Variants in VWA1 observed in about 807,000 individuals in gnomAD.
VWA1 encodes the protein von Willebrand factor A domain-containing protein 1.
In VWA1, 12 loss-of-function variants were observed where a neutral mutation model predicts 14.9. The ratio of observed to expected loss-of-function variants is 0.80; its 90% CI spans 0.52 to 1.30. VWA1 has a LOEUF of 1.30. Ranked by LOEUF, VWA1 falls within the 50% of genes most tolerant of loss-of-function variation. The probability of loss-of-function intolerance (pLI) is 0.00; values close to 1 mark genes in which losing one functional copy is unlikely to be tolerated. For missense variants in VWA1, 800 were observed against 649.1 expected, an observed-to-expected ratio of 1.23 and a Z score of -2.53; for synonymous variants, 368 against 310.7, an observed-to-expected ratio of 1.18 and a Z score of -1.94.
chr1:1,442,109 A>T lies in VWA1; in HGVS notation c.*2322A>T, dbSNP rs996961385. 1 of 152,288 alleles carries T rather than the reference A, an allele frequency of 6.6e-6. No individual in the cohort carries two copies. Among genetic ancestry groups the T allele is most frequent in the Non-Finnish European group, 1.5e-5 (1 of 68,092 alleles). 9.4% of individuals were successfully genotyped at this position (152,288 alleles called of 1,614,324 possible). The stretch of plus-strand genomic sequence containing the variant: ...GGCATTTTAAAATCTTTGAATCTGC[A>T]CCAAGTCTCAGAACAGCTCTGGCCC... On this transcript the variant is annotated 3_prime_UTR_variant, in exon 3 of 3. Coordinates refer to ENST00000476993, the MANE Select transcript of VWA1 (RefSeq NM_022834.5).
intron 1 of VWA1, 70 bp from the exon 2 acceptor site, chr1:1,436,857 G>T: frequency 6.7e-7 from 1 of 1,487,258 alleles, no homozygotes; most frequent in Non-Finnish European, 9.0e-7. Context: ...GGGCCCTGGG[G>T]GACCCTGCCT....
rs970287434 is a variant in VWA1, at chr1:1,439,784, G to A, written c.1335G>A (p.Pro445=). ...APTPGTASRE[P] Reference sequence around the variant, plus strand: ...CCCCGGGGACCGCCAGCCGTGAGCCGTAAGCCGGCGTCCCCGCCCAGCCGA... The same window carrying A: ...CCCCGGGGACCGCCAGCCGTGAGCCATAAGCCGGCGTCCCCGCCCAGCCGA... The change falls in exon 3 of 3, where the codon CCG becomes CCA. Residue 445 remains proline, a synonymous_variant. Coordinates refer to ENST00000476993, the MANE Select transcript of VWA1 (RefSeq NM_022834.5). 2 of 1,075,454 alleles carry A rather than the reference G, an allele frequency of 1.9e-6. No individual in the cohort carries two copies. 66.6% of individuals were successfully genotyped at this position (1,075,454 alleles called of 1,614,324 possible).
In VWA1 at chr1:1,439,100, G is replaced by A. The variant is rs1431166471; in HGVS notation, c.651G>A (p.Gln217=). 6.3e-7 allele frequency: 1 copy of A among 1,599,314 alleles called. No homozygotes were observed. The highest frequency in any genetic ancestry group is 1.1e-5 in the South Asian group (1 of 90,976). Residue 217 remains glutamine, a synonymous_variant, in exon 3 of 3, where the codon CAG becomes CAA. Coordinates refer to ENST00000476993, the MANE Select transcript of VWA1 (RefSeq NM_022834.5). The part of the protein sequence containing the change: ...GSILDAMRPQ[Q]LHATEITSSG... ...CCACAGACGCGATGCGGCCGCAGCA[G>A]CTCCATGCCACGGAGATCACGTCCA...
rs189168594 is a variant in VWA1 at position 1,436,889 on chromosome 1, G to T, written c.74-38G>T. On this transcript the variant is annotated intron_variant, in intron 1 of 2. Transcript: ENST00000476993. The stretch of plus-strand genomic sequence containing the variant: ...GCCTTGCTGTGGGGCTGTCTGGGGG[G>T]CCCACACCTGAGGCTGAGCATTCCT... 7.7e-3 allele frequency: 11,863 copies of T among 1,533,832 alleles called. 67 individuals are homozygous for T. Among genetic ancestry groups the T allele is most frequent in the Non-Finnish European group, 9.1e-3 (10,353 of 1,138,594 alleles).
chr1:1,439,493 C>T lies in VWA1; in HGVS notation c.1044C>T (p.Leu348=). 2.1e-6 allele frequency: 3 copies of T among 1,416,258 alleles called. No individual in the cohort carries two copies. Among genetic ancestry groups the T allele is most frequent in the Non-Finnish European group, 2.8e-6 (3 of 1,089,594 alleles). The allele number at this position is 1,416,258 out of a possible 1,614,324, so 87.7% of individuals were successfully genotyped here. A position where few individuals can be genotyped will look rare whatever the true frequency, so the allele number is the denominator to read the frequency against. ...TCTCCCACGCCCGGCCGCGCAGCCTCCGCGTGAGTTGGGCCCCAGCGCTGG... is the reference window on the plus strand; with the variant it reads ...TCTCCCACGCCCGGCCGCGCAGCCTTCGCGTGAGTTGGGCCCCAGCGCTGG... ...IVISHARPRS[L]RVSWAPALGS... Residue 348 remains leucine, a synonymous_variant, in exon 3 of 3, where the codon CTC becomes CTT. Transcript: ENST00000476993.
chr1:1,439,470 T>A lies in VWA1; in HGVS notation c.1021T>A (p.Ser341Thr). The change falls in exon 3 of 3, where the codon TCC (serine) becomes ACC (threonine). Residue 341 changes from serine to threonine, a missense_variant. Physicochemically the swap from Ser to Thr is moderately conservative, Grantham distance 58. Transcript: ENST00000476993. ...EEAGPERIVI[S>T]HARPRSLRVS... Reference sequence around the variant, plus strand: ...GGCCGGGCCAGAGCGCATCGTCATCTCCCACGCCCGGCCGCGCAGCCTCCG... The same window carrying A: ...GGCCGGGCCAGAGCGCATCGTCATCACCCACGCCCGGCCGCGCAGCCTCCG... 1 of 1,422,150 alleles carries A rather than the reference T, an allele frequency of 7.0e-7. No individual in the cohort carries two copies. Among genetic ancestry groups the A allele is most frequent in the Non-Finnish European group, 9.1e-7 (1 of 1,095,678 alleles). 88.1% of individuals were successfully genotyped at this position (1,422,150 alleles called of 1,614,324 possible).
rs1459364561 is a variant in VWA1 at position 1,437,460 on chromosome 1, C to T, written c.607C>T (p.Gln203Ter). The T allele has an allele frequency of 1.9e-6, 3 of 1,608,198 alleles. No individual in the cohort carries two copies. Among genetic ancestry groups the T allele is most frequent in the South Asian group, 2.2e-5 (2 of 90,916 alleles). The change falls in exon 2 of 3, where the codon CAA becomes TAA. Residue 203 changes from glutamine (Q) to a stop codon, truncating the protein, a stop_gained. Coordinates refer to ENST00000476993, the MANE Select transcript of VWA1 (RefSeq NM_022834.5). LOFTEE classifies it low-confidence loss of function (END_TRUNC). The stretch of plus-strand genomic sequence containing the variant: ...CGTGGATGACCTGCACATCATTGTC[C>T]AAGAGCTGAGGGGCTCCATTCTCGG... Reference protein sequence around the residue: ...VDVDDLHIIVQELRGSILDAM... With the variant: ...VDVDDLHIIV
intron 1 of VWA1, among the ~76,000 whole-genome samples, 185 bp downstream of exon 1, chr1:1,436,006 G>T (rs938419897): frequency 2.0e-5 from 3 of 152,110 alleles, no homozygotes; most frequent in African/African-American, 7.2e-5. Context: ...GGTGCTCCAG[G>T]CGACACCGTC....
Position 1,439,649 on chromosome 1 carries a change from G to A in VWA1, c.1200G>A (p.Leu400=). ...GCCTGGCGCCGGGCACCGCCTACCT[G>A]GTGACCGTGACCGCCGCCTTCCGCT... ...LQGLAPGTAY[L]VTVTAAFRSG... Residue 400 remains leucine (L), a synonymous_variant, in exon 3 of 3, where the codon CTG becomes CTA. Coordinates refer to ENST00000476993, the MANE Select transcript of VWA1 (RefSeq NM_022834.5). 1 of 1,325,720 alleles carries A rather than the reference G, an allele frequency of 7.5e-7. No individual in the cohort carries two copies. The highest frequency in any genetic ancestry group is 9.7e-7 in the Non-Finnish European group (1 of 1,030,980). 82.1% of individuals were successfully genotyped at this position (1,325,720 alleles called of 1,614,324 possible).
In VWA1 at chr1:1,435,819, G is replaced by A; in HGVS notation, c.71G>A (p.Arg24His). Residue 24 changes from arginine (R) to histidine (H), a missense_variant and splice_region_variant, in exon 1 of 3, where the codon CGC becomes CAC. Arg to His is a conservative substitution (Grantham distance 29, BLOSUM62 0). Coordinates refer to ENST00000476993, the MANE Select transcript of VWA1 (RefSeq NM_022834.5). ...RLALARSGAERGPPASAPRGD... is the reference protein window; with the variant it reads ...RLALARSGAEHGPPASAPRGD... ...GCGCTGGCGCGGAGCGGCGCGGAGCGCGGTGAGTGCGGCGGGCGGCCGGGC... is the reference window on the plus strand; with the variant it reads ...GCGCTGGCGCGGAGCGGCGCGGAGCACGGTGAGTGCGGCGGGCGGCCGGGC... The A allele has an allele frequency of 8.5e-7, 1 of 1,170,120 alleles. No individual in the cohort carries two copies. The highest frequency in any genetic ancestry group is 1.1e-6 in the Non-Finnish European group (1 of 950,946). 72.5% of individuals were successfully genotyped at this position (1,170,120 alleles called of 1,614,324 possible). A position where few individuals can be genotyped will look rare whatever the true frequency, so the allele number is the denominator to read the frequency against.
At position 1,441,944 on chromosome 1, in the gene VWA1, C is replaced by T. The variant is rs1354597802; in HGVS notation, c.*2157C>T. On this transcript the variant is annotated 3_prime_UTR_variant, in exon 3 of 3. Transcript: ENST00000476993. ...GGCAGAGGCTCTGCCTCCCCTCTGC[C>T]CATCTCTGCACACCAAGGCTGAGCA... 6.6e-6 allele frequency: 1 copy of T among 152,356 alleles called. No individual in the cohort carries two copies. The highest frequency in any genetic ancestry group is 1.5e-5 in the Non-Finnish European group (1 of 68,140). The allele number at this position is 152,356 out of a possible 1,614,324, so 9.4% of individuals were successfully genotyped here.
chr1:1,439,770 G>A lies in VWA1; in HGVS notation c.1321G>A (p.Ala441Thr), dbSNP rs1164613472. ...GCCCCGCGCCCCGACCCCGGGGACC[G>A]CCAGCCGTGAGCCGTAAGCCGGCGT... ...PVPRAPTPGT[A>T]SREP Residue 441 changes from alanine to threonine, a missense_variant, in exon 3 of 3, where the codon GCC becomes ACC. Physicochemically the swap from Ala to Thr is moderately conservative, Grantham distance 58. Coordinates refer to ENST00000476993, the MANE Select transcript of VWA1 (RefSeq NM_022834.5). 53 of 1,082,854 alleles carry A rather than the reference G, an allele frequency of 4.9e-5. No homozygotes were observed. In the East Asian group the frequency reaches 2.1e-3, roughly 42 times the overall value. The allele number at this position is 1,082,854 out of a possible 1,614,324, so 67.1% of individuals were successfully genotyped here.
chr1:1,440,868 G>A lies in VWA1; in HGVS notation c.*1081G>A, dbSNP rs1001480339. On this transcript the variant is annotated 3_prime_UTR_variant, in exon 3 of 3. Transcript: ENST00000476993. ...CTTTTGGGGTGTCCGGGGAGAGGAG[G>A]TGGAGCTGTCCCCTCCCAGTGTCAG... 3.3e-5 allele frequency: 5 copies of A among 152,368 alleles called. No homozygotes were observed. The highest frequency in any genetic ancestry group is 9.7e-5 in the African/African-American group (4 of 41,444). 9.4% of individuals were successfully genotyped at this position (152,368 alleles called of 1,614,324 possible). A position where few individuals can be genotyped will look rare whatever the true frequency, so the allele number is the denominator to read the frequency against.
At position 1,437,352 on chromosome 1, in the gene VWA1, A is replaced by G. The variant is rs1379952279; in HGVS notation, c.499A>G (p.Ile167Val). ...ELKDLGVTVF[I>V]VSTGRGNFLE... ...CAAGGACCTGGGCGTCACCGTGTTC[A>G]TTGTCAGCACCGGCCGAGGCAACTT... The change falls in exon 2 of 3, where the codon ATT becomes GTT. Residue 167 changes from isoleucine to valine, a missense_variant. Physicochemically the swap from Ile to Val is conservative, Grantham distance 29 (BLOSUM62 3). Transcript: ENST00000476993. The G allele has an allele frequency of 1.2e-6, 2 of 1,612,718 alleles. No homozygotes were observed. Among genetic ancestry groups the G allele is most frequent in the African/African-American group, 1.3e-5 (1 of 75,054 alleles).
At position 1,439,417 on chromosome 1, in the gene VWA1, A is replaced by G; in HGVS notation, c.968A>G (p.Gln323Arg). ...PESGAGPAPT[Q>R]LAALPAPEEA... is the part of the protein sequence containing the mutation. The stretch of plus-strand genomic sequence containing the variant: ...TCGGGGGCTGGGCCGGCCCCCACGC[A>G]GCTCGCCGCCCTCCCCGCCCCAGAG... Residue 323 changes from glutamine (Q) to arginine (R), a missense_variant, in exon 3 of 3, where the codon CAG becomes CGG. Physicochemically the swap from Gln to Arg is conservative, Grantham distance 43 (BLOSUM62 1). Transcript: ENST00000476993. 1 of 1,417,120 alleles carries G rather than the reference A, an allele frequency of 7.1e-7. No homozygotes were observed. The highest frequency in any genetic ancestry group is 3.3e-5 in the Admixed American group (1 of 30,658). The allele number at this position is 1,417,120 out of a possible 1,614,324, so 87.8% of individuals were successfully genotyped here.
Position 1,440,685 on chromosome 1 carries a change from C to T in VWA1, c.*898C>T, listed in dbSNP as rs920759006. On this transcript the variant is annotated 3_prime_UTR_variant, in exon 3 of 3. Transcript: ENST00000476993. ...GGTGCAGTCCCCGCCCCGCCTAGTC[C>T]TCGGCGTCACGCAATGCTCACCTCG... is the stretch of plus-strand genomic sequence containing the variant. 2 of 166,904 alleles carry T rather than the reference C, an allele frequency of 1.2e-5. No individual in the cohort carries two copies. The highest frequency in any genetic ancestry group is 1.9e-4 in the East Asian group (1 of 5,200). The allele number at this position is 166,904 out of a possible 1,614,324, so 10.3% of individuals were successfully genotyped here. A position where few individuals can be genotyped will look rare whatever the true frequency, so the allele number is the denominator to read the frequency against.
At position 1,436,592 on chromosome 1, in the gene VWA1, G is replaced by C. The variant is rs552215465; in HGVS notation, c.74-335G>C. Among the ~76,000 whole-genome samples the C allele has an allele frequency of 4.6e-5, 7 of 152,348 alleles. No individual in the cohort carries two copies. In the East Asian group the frequency reaches 1.4e-3, roughly 29 times the overall value. On this transcript the variant is annotated intron_variant, in intron 1 of 2. Transcript: ENST00000476993. Reference sequence around the variant, plus strand: ...CTGGAGGGAACAGCCCCACGGCTCAGGCCTGTCCTGGGGGCCTAGGCCAGG... The same window carrying C: ...CTGGAGGGAACAGCCCCACGGCTCACGCCTGTCCTGGGGGCCTAGGCCAGG...
intron 1 of VWA1, 170 bp from the exon 2 acceptor site, chr1:1,436,757 C>T: frequency 1.5e-6 from 1 of 655,906 alleles, no homozygotes; most frequent in Non-Finnish European, 2.6e-6. Context: ...GCAGTGAAAC[C>T]CCCAAAAGTA....
Position 1,437,434 on chromosome 1 carries a change from A to T in VWA1, c.581A>T (p.Asp194Val), listed in dbSNP as rs1310183329. Reference sequence around the variant, plus strand: ...GCCGAGAAGCACCTGCACTTTGTGGACGTGGATGACCTGCACATCATTGTC... The same window carrying T: ...GCCGAGAAGCACCTGCACTTTGTGGTCGTGGATGACCTGCACATCATTGTC... ...APAEKHLHFVDVDDLHIIVQE... is the reference protein window; with the variant it reads ...APAEKHLHFVVVDDLHIIVQE... Residue 194 changes from aspartate (D) to valine (V), a missense_variant, in exon 2 of 3, where the codon GAC (aspartate) becomes GTC (valine). Asp to Val is a radical substitution (Grantham distance 152, BLOSUM62 -3). Transcript: ENST00000476993. The T allele has an allele frequency of 6.2e-7, 1 of 1,612,534 alleles. No homozygotes were observed. Among genetic ancestry groups the T allele is most frequent in the Non-Finnish European group, 8.5e-7 (1 of 1,179,824 alleles).
Sources: allele counts gnomAD v4.1 joint callset (sites outside exome capture counted in the v4.1 genomes callset), GRCh38; gene constraint gnomAD v4.1.1; transcripts MANE v1.5; gene names NCBI Gene and HGNC (gene_info 2026-07-23, HGNC 2026-07-21).